The following DMXL2 variants were observed in gnomAD, a reference collection of about 807,000 sequenced individuals.
The protein encoded by DMXL2 is dmX-like protein 2.
In DMXL2, 103 loss-of-function variants were observed where a neutral mutation model predicts 331.1. The ratio of observed to expected loss-of-function variants is 0.31; its 90% confidence interval spans 0.27 to 0.37. The LOEUF (loss-of-function observed/expected upper bound fraction) is 0.37, where lower values mean the gene tolerates loss of function less well. Among genes scored for constraint, DMXL2 ranks in the 10% least tolerant of loss-of-function variants. The probability of loss-of-function intolerance (pLI) is 1.00; values close to 1 mark genes in which losing one functional copy is unlikely to be tolerated. For missense variants in DMXL2, 3,171 were observed against 3,642.9 expected (o/e 0.87, Z 3.33); for synonymous variants, 1,281 against 1,252.1 (o/e 1.02, Z -0.49).
intron 19 of DMXL2, among the ~76,000 whole-genome samples, chr15:51,494,096 G>A (rs1006346084): frequency 6.6e-6 from 1 of 152,062 alleles, no homozygotes; most frequent in Non-Finnish European, 1.5e-5. Flanking sequence ...AAATAATCAG[G>A]AATGCAAATA....
In DMXL2 at chr15:51,458,624, T is replaced by G. The variant is rs1194970081; in HGVS notation, c.8080A>C (p.Asn2694His). 1 of 1,613,966 alleles carries G rather than the reference T, an allele frequency of 6.2e-7. No individual in the cohort carries two copies. The highest frequency in any genetic ancestry group is 8.5e-7 in the Non-Finnish European group (1 of 1,179,890). Residue 2694 changes from asparagine (N) to histidine (H), a missense_variant, in exon 36 of 44, where the codon AAT (asparagine) becomes CAT (histidine). By Grantham distance (68) the Asn-to-His change is moderately conservative (BLOSUM62 1). Coordinates refer to ENST00000560891, the MANE Select transcript of DMXL2 (RefSeq NM_001378457.1). The stretch of plus-strand genomic sequence containing the variant: ...GAAGCCAAAACAATTTCATTACAAT[T>G]TGCCTATAAAGCAAAGGCAGAATCG... ...MIMAFSVNKA[N>H]CNEIVLASTH...
intron 1 of DMXL2, 31 bp from the exon 2 acceptor site, chr15:51,576,212 A>G (rs1442729256): frequency 7.4e-7 from 1 of 1,357,134 alleles, no homozygotes; most frequent in East Asian, 2.7e-5. Flanking sequence ...AAGTTTTACA[A>G]TACATAAGAT....
chr15:51,546,983 G>A lies in DMXL2; in HGVS notation c.746+247C>T, dbSNP rs867013624. Among the ~76,000 whole-genome samples the A allele has an allele frequency of 3.4e-4, 52 of 152,160 alleles. No homozygotes were observed. In the Middle Eastern group the frequency reaches 0.014, roughly 40 times the overall value. Reference sequence around the variant, plus strand: ...CTTCCCACCCACAAACTACATTTTAGTTTCACAGTAACTCTCTGAGGTAGG... The same window carrying A: ...CTTCCCACCCACAAACTACATTTTAATTTCACAGTAACTCTCTGAGGTAGG... On this transcript the variant is annotated intron_variant, in intron 7 of 43. Transcript: ENST00000560891.
intron 1 of DMXL2, among the ~76,000 whole-genome samples, chr15:51,594,335 G>C (rs888180994): frequency 2.0e-5 from 3 of 152,084 alleles, no homozygotes; most frequent in Admixed American, 6.5e-5. Flanking sequence ...TAAATTCCTC[G>C]ACACATACAC....
intron 9 of DMXL2, among the ~76,000 whole-genome samples, chr15:51,538,880 A>G (rs1021966671): frequency 1.3e-5 from 2 of 152,254 alleles, no homozygotes; most frequent in Non-Finnish European, 2.9e-5. Context: ...TAAGGGTGAT[A>G]CACCATGATA....
chr15:51,466,150 A>G (rs772114615), intron 30 of DMXL2, 34 bp downstream of exon 30: 1 of 1,183,150 alleles, frequency 8.5e-7, no homozygotes, highest in African/African-American at 4.2e-5. Flanking sequence ...AGAAAAGCCA[A>G]AAAAAAAATG....
rs1220308738 is a variant in DMXL2, at chr15:51,536,679, T to C, written c.1801A>G (p.Thr601Ala). ...GTGGGAGCTAAGATGTTCATATGTGTACTGTGGGATCTAGAGTGTGGCTGT... is the reference window on the plus strand; with the variant it reads ...GTGGGAGCTAAGATGTTCATATGTGCACTGTGGGATCTAGAGTGTGGCTGT... ...GSQPHSRSHS[T>A]HMNILAPTVM... The change falls in exon 12 of 44, where the codon ACA (threonine) becomes GCA (alanine). Residue 601 changes from threonine (T) to alanine (A), a missense_variant. Coordinates refer to ENST00000560891, the MANE Select transcript of DMXL2 (RefSeq NM_001378457.1). 3.7e-6 allele frequency: 6 copies of C among 1,614,144 alleles called. No individual in the cohort carries two copies. The highest frequency in any genetic ancestry group is 5.1e-6 in the Non-Finnish European group (6 of 1,180,002).
intron 15 of DMXL2, 88 bp from the exon 16 acceptor site, chr15:51,507,341 T>C: frequency 5.5e-6 from 7 of 1,281,938 alleles, no homozygotes; most frequent in Non-Finnish European, 7.4e-6. Flanking sequence ...CACCTCTTGA[T>C]ATGCATGGAA....
chr15:51,529,136 G>T (rs369705886), intron 13 of DMXL2, among the ~76,000 whole-genome samples: 1 of 152,000 alleles, frequency 6.6e-6, no homozygotes, highest in Non-Finnish European at 1.5e-5. Flanking sequence ...GTTTATAGCT[G>T]TAAGTGCCTA....
chr15:51,497,174 A>T (rs2043242224), intron 18 of DMXL2, among the ~76,000 whole-genome samples: 1 of 152,216 alleles, frequency 6.6e-6, no homozygotes, highest in African/African-American at 2.4e-5. Context: ...TTTCTTTTCC[A>T]ATTAATAGTG....
At chr15:51,451,729 CATAA>C (rs750078077) in intron 41 of DMXL2, 32 bp from the exon 42 acceptor site, 2 of 1,567,090 alleles carry the variant, frequency 1.3e-6, no homozygotes, top group Admixed American at 3.4e-5. Flanking sequence ...AAAAATACAT[CATAA>C]ATGATTGTTA....
chr15:51,488,772 G>C (rs543899558), intron 20 of DMXL2, 127 bp from the exon 21 acceptor site: 17 of 709,668 alleles, frequency 2.4e-5, no homozygotes, highest in Middle Eastern at 3.4e-4. Flanking sequence ...AGTTGGTTCT[G>C]TTTCACAATC....
Position 51,564,119 on chromosome 15 carries a change from A to G in DMXL2, c.500+6T>C. 1 of 1,587,906 alleles carries G rather than the reference A, an allele frequency of 6.3e-7. No homozygotes were observed. The highest frequency in any genetic ancestry group is 1.2e-5 in the South Asian group (1 of 85,076). ...AATGAATATAACAATAGAAATAGAC[A>G]CTAACTTGCACTGCCAGACACACTT... On this transcript the variant is annotated splice_donor_region_variant and intron_variant, in intron 5 of 43. Transcript: ENST00000560891.
At chr15:51,478,046 T>C in intron 26 of DMXL2, among the ~76,000 whole-genome samples, 1 of 152,112 alleles carries the variant, frequency 6.6e-6, no homozygotes, top group Non-Finnish European at 1.5e-5. Flanking sequence ...ATGGTAATGA[T>C]GGTAATTTAC....
chr15:51,471,840 G>A (rs1366119852), intron 28 of DMXL2, among the ~76,000 whole-genome samples: 3 of 152,176 alleles, frequency 2.0e-5, no homozygotes, highest in African/African-American at 7.2e-5. Flanking sequence ...AAGAAGGTTT[G>A]GGTAAATGAG....
chr15:51,514,569 C>G lies in DMXL2; in HGVS notation c.2527-10G>C. 1 of 1,474,896 alleles carries G rather than the reference C, an allele frequency of 6.8e-7. No homozygotes were observed. The highest frequency in any genetic ancestry group is 9.2e-7 in the Non-Finnish European group (1 of 1,081,492). The allele number at this position is 1,474,896 out of a possible 1,614,324, so 91.4% of individuals were successfully genotyped here. On this transcript the variant is annotated splice_polypyrimidine_tract_variant and intron_variant, in intron 14 of 43. Transcript: ENST00000560891. ...GTGTATTTGAGCCACACTACAAATA[C>G]AAAAAAAAATGAAGAGGTTTTATCT...
intron 28 of DMXL2, among the ~76,000 whole-genome samples, chr15:51,472,049 T>A (rs2041163868): frequency 6.6e-6 from 1 of 152,082 alleles, no homozygotes; most frequent in Non-Finnish European, 1.5e-5. Flanking sequence ...GAAGATGACA[T>A]AAGAACAGCC....
intron 6 of DMXL2, among the ~76,000 whole-genome samples, chr15:51,560,409 T>C (rs1349954877): frequency 6.6e-6 from 1 of 150,994 alleles, no homozygotes; most frequent in Non-Finnish European, 1.5e-5. Context: ...AGTACCTTTC[T>C]GTTCATGTTT....
chr15:51,455,010 G>T lies in DMXL2; in HGVS notation c.8604+141C>A, dbSNP rs1363492651. ...TCAGTCTAAAACTAGGGTAAGGATG[G>T]GTGCTGCTGTCAGGCTGGGATTGCT... On this transcript the variant is annotated intron_variant, in intron 40 of 43. Coordinates refer to ENST00000560891, the MANE Select transcript of DMXL2 (RefSeq NM_001378457.1). The T allele has an allele frequency of 1.2e-5, 8 of 655,644 alleles. No individual in the cohort carries two copies. The South Asian group carries it at 1.3e-4, about 11-fold the overall frequency. The allele number at this position is 655,644 out of a possible 1,614,324, so 40.6% of individuals were successfully genotyped here.
Sources: gnomAD v4.1 joint callset for allele counts (sites outside exome capture counted in the v4.1 genomes callset) on GRCh38, gnomAD v4.1.1 for gene constraint, MANE v1.5 for transcripts, NCBI Gene and HGNC (gene_info 2026-07-23, HGNC 2026-07-21) for gene names.